Variants in GFRA1 observed in about 807,000 individuals in gnomAD.
GFRA1 encodes the protein GDNF family receptor alpha-1.
Under a neutral mutation model 51.6 loss-of-function variants are expected in GFRA1, and 16 were observed. The observed-to-expected ratio is 0.31, with a 90% CI of 0.21 to 0.47. The LOEUF is 0.47. GFRA1 is among the 20% of genes least tolerant of loss of function. The pLI, the probability that GFRA1 is intolerant of heterozygous loss-of-function variation, is 1.00. For synonymous variants in GFRA1, 270 were observed against 241.3 expected, an observed-to-expected ratio of 1.12 and a Z score of -1.10; for missense variants, 530 against 594.3, an observed-to-expected ratio of 0.89 and a Z score of 1.13.
At chr10:116,182,963 C>A (rs1341024441) in intron 5 of GFRA1, among the ~76,000 whole-genome samples, 1 of 152,208 alleles carries the variant, frequency 6.6e-6, no homozygotes, top group Non-Finnish European at 1.5e-5. Context: ...GATGACCTGG[C>A]ACAGTGTAAC....
chr10:116,128,724 T>TC (rs1187608768), intron 5 of GFRA1, among the ~76,000 whole-genome samples: 11 of 43,984 alleles, frequency 2.5e-4, no homozygotes, highest in Admixed American at 1.4e-3. Context: ...AGACTCTGTC[T>TC]CAAAAAAAAA....
chr10:116,182,711 T>A (rs1962352508), intron 5 of GFRA1, among the ~76,000 whole-genome samples: 1 of 152,182 alleles, frequency 6.6e-6, no homozygotes, highest in Non-Finnish European at 1.5e-5. Context: ...TTCCCAAATA[T>A]CAGCAAAGGA....
chr10:116,152,283 T>C (rs183313224), intron 5 of GFRA1, among the ~76,000 whole-genome samples: 1 of 152,206 alleles, frequency 6.6e-6, no homozygotes, highest in African/African-American at 2.4e-5. Flanking sequence ...AATAAGCCAG[T>C]ACCCCACGCT....
At chr10:116,089,052 T>C (rs1042721726) in intron 9 of GFRA1, among the ~76,000 whole-genome samples, 1 of 151,978 alleles carries the variant, frequency 6.6e-6, no homozygotes, top group Non-Finnish European at 1.5e-5. Context: ...ATAAAGACTC[T>C]GCTTTCGACT....
chr10:116,062,703 C>G lies in GFRA1; in HGVS notation c.*1695G>C, dbSNP rs1954878020. On this transcript the variant is annotated 3_prime_UTR_variant, in exon 11 of 11. Transcript: ENST00000355422. ...CTTTCTGAAGGTGGAATCTCCTCCTCTTTACTTAATGTTGGAGAAAAGTGG... is the reference window on the plus strand; with the variant it reads ...CTTTCTGAAGGTGGAATCTCCTCCTGTTTACTTAATGTTGGAGAAAAGTGG... 1 of 152,190 alleles carries G rather than the reference C, an allele frequency of 6.6e-6. No individual in the cohort carries two copies. The highest frequency in any genetic ancestry group is 1.5e-5 in the Non-Finnish European group (1 of 68,044). The allele number at this position is 152,190 out of a possible 1,614,324, so 9.4% of individuals were successfully genotyped here.
At chr10:116,123,758 G>A (rs550820172) in intron 6 of GFRA1, among the ~76,000 whole-genome samples, 1 of 152,162 alleles carries the variant, frequency 6.6e-6, no homozygotes, top group Non-Finnish European at 1.5e-5. Flanking sequence ...GCTTCGATCA[G>A]CAATTGAATT....
intron 5 of GFRA1, among the ~76,000 whole-genome samples, chr10:116,188,048 C>T (rs1962895238): frequency 6.6e-6 from 1 of 152,116 alleles, no homozygotes; most frequent in Admixed American, 6.5e-5. Flanking sequence ...GTCAGCCAAT[C>T]AGGAGGAAAC....
chr10:116,201,186 AT>A (rs1263362765), intron 5 of GFRA1, among the ~76,000 whole-genome samples: 3 of 152,122 alleles, frequency 2.0e-5, no homozygotes, highest in Non-Finnish European at 4.4e-5. Flanking sequence ...CAGGGGTATA[AT>A]ATTCATGCTG....
chr10:116,075,466 T>C (rs1395184673), intron 9 of GFRA1, among the ~76,000 whole-genome samples: 1 of 152,096 alleles, frequency 6.6e-6, no homozygotes, highest in Non-Finnish European at 1.5e-5. Flanking sequence ...AGGATTTAAT[T>C]TGTTTAATAA....
chr10:116,200,091 TCA>T (rs1964209260), intron 5 of GFRA1, among the ~76,000 whole-genome samples: 1 of 152,246 alleles, frequency 6.6e-6, no homozygotes, highest in South Asian at 2.1e-4. Context: ...TTGATGAGTA[TCA>T]CAGTTTGTCC....
chr10:116,104,001 C>G (rs1956913287), intron 6 of GFRA1, among the ~76,000 whole-genome samples: 2 of 152,158 alleles, frequency 1.3e-5, no homozygotes, highest in East Asian at 3.9e-4. Context: ...AGGAGCTGAG[C>G]TGCGATTCTC....
chr10:116,201,511 C>T lies in GFRA1; in HGVS notation c.433+10120G>A, dbSNP rs181286960. Among the ~76,000 whole-genome samples the T allele has an allele frequency of 5.0e-4, 76 of 152,220 alleles. No homozygotes were observed. The East Asian group carries it at 0.01, about 21-fold the overall frequency. ...ACCTCCATTCAGACTGTCCTCCTCC[C>T]GCCCCTCACTCCCCGGAGTTGCCCT... is the stretch of plus-strand genomic sequence containing the variant. On this transcript the variant is annotated intron_variant, in intron 5 of 10. Coordinates refer to ENST00000355422, the MANE Select transcript of GFRA1 (RefSeq NM_005264.8).
intron 5 of GFRA1, among the ~76,000 whole-genome samples, chr10:116,178,022 T>C (rs566290256): frequency 3.9e-5 from 6 of 152,102 alleles, no homozygotes; most frequent in Non-Finnish European, 8.8e-5. Context: ...ATTTTCAAAA[T>C]CTAGACTTTG....
At chr10:116,270,042 C>T (rs1390419860) in intron 3 of GFRA1, among the ~76,000 whole-genome samples, 2 of 152,164 alleles carry the variant, frequency 1.3e-5, no homozygotes, top group Non-Finnish European at 1.5e-5. Flanking sequence ...CATTAATAGA[C>T]TCTGGAGGAA....
intron 9 of GFRA1, among the ~76,000 whole-genome samples, chr10:116,084,138 T>C (rs1955983538): frequency 6.6e-6 from 1 of 152,140 alleles, no homozygotes; most frequent in Non-Finnish European, 1.5e-5. Flanking sequence ...GTGAACCCCT[T>C]AGGGCTAGCA....
At chr10:116,130,319 G>T (rs1231054401) in intron 5 of GFRA1, among the ~76,000 whole-genome samples, 1 of 151,970 alleles carries the variant, frequency 6.6e-6, no homozygotes, top group East Asian at 1.9e-4. Flanking sequence ...AACAAAGAAG[G>T]TATATACTAG....
chr10:116,057,650 C>A lies in GFRA1; in HGVS notation c.*6748G>T, dbSNP rs1290034426. On this transcript the variant is annotated 3_prime_UTR_variant, in exon 11 of 11. Coordinates refer to ENST00000355422, the MANE Select transcript of GFRA1 (RefSeq NM_005264.8). ...GCAAACTCTGCAGTGAAAAGTGTTT[C>A]CCCCACTCCCTTGGGCGAGGGAAGG... The A allele has an allele frequency of 6.6e-6, 1 of 152,024 alleles. No individual in the cohort carries two copies. Among genetic ancestry groups the A allele is most frequent in the African/African-American group, 2.4e-5 (1 of 41,394 alleles). The allele number at this position is 152,024 out of a possible 1,614,324, so 9.4% of individuals were successfully genotyped here.
At position 116,161,476 on chromosome 10, in the gene GFRA1, A is replaced by G. The variant is rs1011865599; in HGVS notation, c.434-35919T>C. Among the ~76,000 whole-genome samples, 9 of 152,226 alleles carry G rather than the reference A, an allele frequency of 5.9e-5. No individual in the cohort carries two copies. In the East Asian group the frequency reaches 9.6e-4, roughly 16 times the overall value. ...AAAGGAAGTTGACGCCAACTTTGGC[A>G]TGAAAATGTATACCCTATTGATATG... On this transcript the variant is annotated intron_variant, in intron 5 of 10. Transcript: ENST00000355422.
At chr10:116,193,872 T>C (rs557825632) in intron 5 of GFRA1, among the ~76,000 whole-genome samples, 3 of 151,844 alleles carry the variant, frequency 2.0e-5, no homozygotes, top group Admixed American at 6.6e-5. Context: ...CCTGGCTCTC[T>C]AAAAATACAA....
Sources: allele counts gnomAD v4.1 joint callset (sites outside exome capture counted in the v4.1 genomes callset), GRCh38; gene constraint gnomAD v4.1.1; transcripts MANE v1.5; gene names NCBI Gene and HGNC (gene_info 2026-07-23, HGNC 2026-07-21).